FRMD4B: variants seen among roughly 807,000 people sequenced by gnomAD.
FRMD4B encodes FERM domain containing 4B.
FRMD4B carries 74 observed loss-of-function variants against 141.5 expected under a neutral mutation model. That is an observed-to-expected ratio of 0.52 (90% CI 0.43 to 0.63). The LOEUF is 0.63. Ranked by LOEUF, FRMD4B falls within the 30% of genes least tolerant of loss-of-function variation. The pLI is 0.00. For missense variants in FRMD4B, 1,366 were observed against 1,253.4 expected (o/e 1.09, Z -1.36); for synonymous variants, 506 against 467.9 (o/e 1.08, Z -1.05).
At chr3:69,358,028 C>CTCTCAGGCATCT (rs1204387375) in intron 1 of FRMD4B, among the ~76,000 whole-genome samples, 3 of 152,206 alleles carry the variant, frequency 2.0e-5, no homozygotes, top group Admixed American at 2.0e-4. Context: ...GACCTGGCAT[C>CTCTCAGGCATCT]TCTCAAAAAG....
intron 11 of FRMD4B, among the ~76,000 whole-genome samples, chr3:69,215,753 T>G (rs2093134187): frequency 6.6e-6 from 1 of 152,238 alleles, no homozygotes; most frequent in Non-Finnish European, 1.5e-5. Context: ...GTCATGTCTT[T>G]ATTATTCATT....
intron 7 of FRMD4B, among the ~76,000 whole-genome samples, chr3:69,241,086 G>A (rs912935357): frequency 6.6e-6 from 1 of 152,234 alleles, no homozygotes; most frequent in Non-Finnish European, 1.5e-5. Flanking sequence ...TGGGTCAAGA[G>A]AGTTACTTCC....
chr3:69,246,875 G>C (rs2093429171), intron 7 of FRMD4B, among the ~76,000 whole-genome samples: 1 of 152,222 alleles, frequency 6.6e-6, no homozygotes, highest in South Asian at 2.1e-4. Flanking sequence ...CGCCAACCTT[G>C]ATGTCCTAGG....
At chr3:69,290,746 G>A (rs1700845684) in intron 4 of FRMD4B, among the ~76,000 whole-genome samples, 1 of 152,182 alleles carries the variant, frequency 6.6e-6, no homozygotes, top group African/African-American at 2.4e-5. Flanking sequence ...GCCTTGGGGA[G>A]GGACCTATGA....
chr3:69,460,581 C>T lies in FRMD4B; in HGVS notation c.-128-27820G>A, dbSNP rs80090193. The stretch of plus-strand genomic sequence containing the variant: ...TAAAATATAGTTTGTTTTTGGCTAG[C>T]GGGAGGCAAATTTTTAATATAAAGT... On this transcript the variant is annotated intron_variant, in intron 1 of 5. Transcript: ENST00000459638. 8.3e-3 allele frequency among the ~76,000 whole-genome samples: 1,266 copies of T among 152,182 alleles called. 17 individuals carry two copies. Among genetic ancestry groups the T allele is most frequent in the African/African-American group, 0.028 (1,172 of 41,512 alleles).
intron 1 of FRMD4B, among the ~76,000 whole-genome samples, chr3:69,485,478 C>T (rs28405165): frequency 6.6e-6 from 1 of 152,050 alleles, no homozygotes; most frequent in African/African-American, 2.4e-5. Flanking sequence ...AGGAGAACAG[C>T]GTTCCTGCCT....
intron 2 of FRMD4B, among the ~76,000 whole-genome samples, chr3:69,413,846 G>A (rs1039549136): frequency 6.6e-6 from 1 of 152,142 alleles, no homozygotes; most frequent in Non-Finnish European, 1.5e-5. Flanking sequence ...AGAAAATGGT[G>A]TAAACGGCTC....
At chr3:69,503,031 A>G (rs1430383728) in intron 1 of FRMD4B, among the ~76,000 whole-genome samples, 1 of 152,172 alleles carries the variant, frequency 6.6e-6, no homozygotes, top group Non-Finnish European at 1.5e-5. Flanking sequence ...AAAGTCAGGA[A>G]ACAACAGATG....
intron 5 of FRMD4B, among the ~76,000 whole-genome samples, chr3:69,283,330 GCTGAGATTGCACCATTGCA>G (rs2093652606): frequency 6.6e-6 from 1 of 151,136 alleles, no homozygotes; most frequent in Non-Finnish European, 1.5e-5. Context: ...GTTGCAGTGA[GCTGAGATTGCACCATTGCA>G]CTCCAGCCTG....
intron 1 of FRMD4B, among the ~76,000 whole-genome samples, chr3:69,364,812 A>G (rs1335951976): frequency 6.6e-6 from 1 of 152,194 alleles, no homozygotes; most frequent in Non-Finnish European, 1.5e-5. Context: ...TAAGACAAAA[A>G]AGAAAAAATA....
At chr3:69,456,750 A>G (rs1331612007) in intron 1 of FRMD4B, among the ~76,000 whole-genome samples, 2 of 151,180 alleles carry the variant, frequency 1.3e-5, no homozygotes, top group South Asian at 4.2e-4. Flanking sequence ...AAAAAAAAAA[A>G]GCATATGTCT....
At chr3:69,493,928 G>A (rs1273626859) in intron 1 of FRMD4B, among the ~76,000 whole-genome samples, 1 of 152,234 alleles carries the variant, frequency 6.6e-6, no homozygotes, top group Non-Finnish European at 1.5e-5. Flanking sequence ...CTGGGGTGCA[G>A]TAGTGGGGTG....
intron 1 of FRMD4B, among the ~76,000 whole-genome samples, chr3:69,492,180 G>T (rs1250050348): frequency 6.6e-6 from 1 of 152,170 alleles, no homozygotes; most frequent in Non-Finnish European, 1.5e-5. Context: ...ATGACCACAT[G>T]CAGAGTGAAA....
intron 2 of FRMD4B, among the ~76,000 whole-genome samples, chr3:69,422,172 T>C (rs572144594): frequency 2.0e-5 from 3 of 152,248 alleles, no homozygotes; most frequent in Admixed American, 2.0e-4. Flanking sequence ...GGCAGACCAC[T>C]TGAGGTCAGA....
At chr3:69,330,887 T>C (rs1702347912) in intron 1 of FRMD4B, among the ~76,000 whole-genome samples, 1 of 152,194 alleles carries the variant, frequency 6.6e-6, no homozygotes, top group African/African-American at 2.4e-5. Context: ...TGCCATGACC[T>C]TAAAGCACCG....
chr3:69,384,890 T>C (rs932390693), intron 1 of FRMD4B, among the ~76,000 whole-genome samples: 1 of 151,886 alleles, frequency 6.6e-6, no homozygotes, highest in South Asian at 2.1e-4. Flanking sequence ...AGGAACAGGG[T>C]CAAATGGGGG....
intron 1 of FRMD4B, among the ~76,000 whole-genome samples, chr3:69,339,223 T>G (rs4855393): frequency 2.6e-5 from 4 of 152,000 alleles, no homozygotes; most frequent in Non-Finnish European, 4.4e-5. Flanking sequence ...AACTTAATGT[T>G]AAACCCGAGT....
At chr3:69,325,609 TG>T (rs1157047210) in intron 1 of FRMD4B, among the ~76,000 whole-genome samples, 1 of 152,210 alleles carries the variant, frequency 6.6e-6, no homozygotes, top group Non-Finnish European at 1.5e-5. Flanking sequence ...GAGAATATCA[TG>T]GTATCTCTCT....
intron 1 of FRMD4B, among the ~76,000 whole-genome samples, chr3:69,474,336 T>A (rs9816753): frequency 0.19 from 29,375 of 152,090 alleles, 3,494 homozygotes; most frequent in African/African-American, 0.34. Context: ...CTGGGGAAAC[T>A]CAGCAGCATG....
Sources: gnomAD v4.1 joint callset for allele counts (sites outside exome capture counted in the v4.1 genomes callset) on GRCh38, gnomAD v4.1.1 for gene constraint, MANE v1.5 for transcripts, NCBI Gene and HGNC (gene_info 2026-07-23, HGNC 2026-07-21) for gene names.